SEZ6L2: variants seen among roughly 807,000 people sequenced by gnomAD.
The protein encoded by SEZ6L2 is seizure 6-like protein 2.
SEZ6L2 carries 44 observed loss-of-function variants against 97.0 expected under a neutral mutation model. That is an observed-to-expected ratio of 0.45 (90% CI 0.36 to 0.58). The LOEUF (loss-of-function observed/expected upper bound fraction) is 0.58, where lower values mean the gene tolerates loss of function less well. Among genes scored for constraint, SEZ6L2 ranks in the 20% least tolerant of loss-of-function variants. The pLI, the probability that SEZ6L2 is intolerant of heterozygous loss-of-function variation, is 0.00. For synonymous variants in SEZ6L2, 543 were observed against 546.1 expected, an observed-to-expected ratio of 0.99 and a Z score of 0.08; for missense variants, 1,086 against 1,233.3, an observed-to-expected ratio of 0.88 and a Z score of 1.79.
rs189170131 is a variant in SEZ6L2 at position 29,878,730 on chromosome 16, G to A, written c.1574-305C>T. The stretch of plus-strand genomic sequence containing the variant: ...CTCCCGAGTAGCTGGGACTACAGGC[G>A]CCGCCACCACACCCTATTTTTTTTT... On this transcript the variant is annotated intron_variant, in intron 9 of 17. Coordinates refer to ENST00000617533, the MANE Select transcript of SEZ6L2 (RefSeq NM_001243332.2). 9.6e-3 allele frequency among the ~76,000 whole-genome samples: 1,383 copies of A among 143,602 alleles called. 23 individuals carry two copies. Among genetic ancestry groups the A allele is most frequent in the African/African-American group, 0.034 (1,321 of 38,810 alleles). The allele number at this position is 143,602 out of a possible 152,430, so 94.2% of individuals were successfully genotyped here. A position where few individuals can be genotyped will look rare whatever the true frequency, so the allele number is the denominator to read the frequency against.
At chr16:29,886,272 G>A (rs973397739) in intron 7 of SEZ6L2, among the ~76,000 whole-genome samples, 1 of 152,198 alleles carries the variant, frequency 6.6e-6, no homozygotes, top group East Asian at 1.9e-4. Context: ...AGGAGGCTGA[G>A]GCAGGAGAAT....
rs1393653661 is a variant in SEZ6L2, at chr16:29,874,568, T to G, written c.2105-839A>C. 7.0e-3 allele frequency among the ~76,000 whole-genome samples: 723 copies of G among 103,052 alleles called. 46 individuals carry two copies. The highest frequency in any genetic ancestry group is 0.027 in the African/African-American group (698 of 25,552). 67.6% of individuals were successfully genotyped at this position (103,052 alleles called of 152,430 possible). On this transcript the variant is annotated intron_variant, in intron 12 of 17. Coordinates refer to ENST00000617533, the MANE Select transcript of SEZ6L2 (RefSeq NM_001243332.2). ...TGTGCTTGTTTTTTTTTTTTTTTTT[T>G]TTTTTTTTTTTTTTTTTTTTGAGAT...
intron 3 of SEZ6L2, 117 bp downstream of exon 3, chr16:29,896,705 T>C (rs950068182): frequency 1.2e-5 from 10 of 801,014 alleles, no homozygotes; most frequent in Non-Finnish European, 2.0e-5. Flanking sequence ...TTTGTTATTA[T>C]TATTCTCCCA....
In SEZ6L2 at chr16:29,876,484, G is replaced by T. The variant is rs1235790037; in HGVS notation, c.2104+272C>A. On this transcript the variant is annotated intron_variant, in intron 12 of 17. Transcript: ENST00000617533. This position sits in a 1 kb window ranked among gnomAD's most constrained non-coding sequence, Gnocchi z 6.5. ...AGGAGGGGACGGGGCGGGGCCGTGAGACGAGGAAACAGGGACCGAGCCCAG... is the reference window on the plus strand; with the variant it reads ...AGGAGGGGACGGGGCGGGGCCGTGATACGAGGAAACAGGGACCGAGCCCAG... 6.6e-6 allele frequency among the ~76,000 whole-genome samples: 1 copy of T among 151,128 alleles called. No individual in the cohort carries two copies. Among genetic ancestry groups the T allele is most frequent in the Admixed American group, 6.6e-5 (1 of 15,182 alleles).
At position 29,897,994 on chromosome 16, in the gene SEZ6L2, G is replaced by A. The variant is rs764362623; in HGVS notation, c.80-10C>T. ...TCCTTCAGGGGCAGACCTAGGAGGT[G>A]AAGTTGTGTGAGCTTCTCCACTTCC... On this transcript the variant is annotated splice_polypyrimidine_tract_variant and intron_variant, in intron 1 of 17. Coordinates refer to ENST00000617533, the MANE Select transcript of SEZ6L2 (RefSeq NM_001243332.2). The A allele has an allele frequency of 1.1e-5, 17 of 1,612,392 alleles. No individual in the cohort carries two copies. Among genetic ancestry groups the A allele is most frequent in the Admixed American group, 6.7e-5 (4 of 59,730 alleles).
chr16:29,883,779 A>C (rs2068075199), intron 8 of SEZ6L2, among the ~76,000 whole-genome samples: 1 of 152,066 alleles, frequency 6.6e-6, no homozygotes, highest in Admixed American at 6.6e-5. Context: ...AAAAAATGTA[A>C]AAATTACCCA....
rs1316913406 is a variant in SEZ6L2 at position 29,899,535 on chromosome 16, G to A, written c.-516C>T. 1.9e-5 allele frequency: 3 copies of A among 161,044 alleles called. No homozygotes were observed. The highest frequency in any genetic ancestry group is 4.0e-5 in the Non-Finnish European group (3 of 74,260). The allele number at this position is 161,044 out of a possible 1,614,324, so 10.0% of individuals were successfully genotyped here. A position where few individuals can be genotyped will look rare whatever the true frequency, so the allele number is the denominator to read the frequency against. ...CCGAAGCTCGGGCACTGGAGCTGCG[G>A]GAGGGAGAAGCTGAGAAAGGTATCG... On this transcript the variant is annotated 5_prime_UTR_variant, in exon 1 of 18. Transcript: ENST00000617533.
In SEZ6L2 at chr16:29,890,743, CTTTTTTTT is replaced by C. The variant is rs71143763; in HGVS notation, c.854-2026_854-2019del. On this transcript the variant is annotated intron_variant, in intron 5 of 17. Transcript: ENST00000617533. ...ATTTTGTCATCACATTAACCATTGT[CTTTTTTTT>C]TTTTTTTTTTTTTTTTTGAGAGGGT... Among the ~76,000 whole-genome samples, 9 of 74,388 alleles carry C rather than the reference CTTTTTTTT, an allele frequency of 1.2e-4. 1 individual carries two copies. The East Asian group carries it at 2.8e-3, about 23-fold the overall frequency. 48.8% of individuals were successfully genotyped at this position (74,388 alleles called of 152,430 possible).
chr16:29,877,461 A>G lies in SEZ6L2; in HGVS notation c.1719T>C (p.Asn573=). Residue 573 remains asparagine, a synonymous_variant, in exon 11 of 18, where the codon AAT becomes AAC. Transcript: ENST00000617533. The stretch of plus-strand genomic sequence containing the variant: ...GCGTCAGCATGTCCCCTTCCCGCAC[A>G]TTCAATCTGCAGGGGGTGAGACCAG... ...KRILLQVEIL[N]VREGDMLTLF... 2 of 1,593,098 alleles carry G rather than the reference A, an allele frequency of 1.3e-6. No individual in the cohort carries two copies. Among genetic ancestry groups the G allele is most frequent in the African/African-American group, 1.3e-5 (1 of 74,608 alleles).
At position 29,872,276 on chromosome 16, in the gene SEZ6L2, C is replaced by T; in HGVS notation, c.2653G>A (p.Gly885Arg). 1 of 1,611,130 alleles carries T rather than the reference C, an allele frequency of 6.2e-7. No individual in the cohort carries two copies. Residue 885 changes from glycine (G) to arginine (R), a missense_variant, in exon 17 of 18, where the codon GGA becomes AGA. Gly to Arg is a moderately radical substitution (Grantham distance 125, BLOSUM62 -2). Coordinates refer to ENST00000617533, the MANE Select transcript of SEZ6L2 (RefSeq NM_001243332.2). ...GVYIYYTKLQ[G>R]KSLFGFSGSH... Reference sequence around the variant, plus strand: ...CCCGAGAAGCCGAAAAGGGACTTTCCCTGAAGCCTGGGAAAGGGAGAGGAC... The same window carrying T: ...CCCGAGAAGCCGAAAAGGGACTTTCTCTGAAGCCTGGGAAAGGGAGAGGAC...
At position 29,876,706 on chromosome 16, in the gene SEZ6L2, G is replaced by T. The variant is rs1172215031; in HGVS notation, c.2104+50C>A. The T allele has an allele frequency of 6.1e-6, 9 of 1,469,998 alleles. No individual in the cohort carries two copies. The East Asian group carries it at 7.5e-5, about 12-fold the overall frequency. 91.1% of individuals were successfully genotyped at this position (1,469,998 alleles called of 1,614,324 possible). A position where few individuals can be genotyped will look rare whatever the true frequency, so the allele number is the denominator to read the frequency against. On this transcript the variant is annotated intron_variant, in intron 12 of 17. Coordinates refer to ENST00000617533, the MANE Select transcript of SEZ6L2 (RefSeq NM_001243332.2). This position sits in a 1 kb window ranked among gnomAD's most constrained non-coding sequence, Gnocchi z 6.5. Reference sequence around the variant, plus strand: ...CGGGACAGGACAGGCCGACGACGGGGCCCACAGGGAAGGGGCGGGGCCGAG... The same window carrying T: ...CGGGACAGGACAGGCCGACGACGGGTCCCACAGGGAAGGGGCGGGGCCGAG...
chr16:29,888,776 C>G, intron 5 of SEZ6L2, 51 bp from the exon 6 acceptor site: 2 of 1,508,310 alleles, frequency 1.3e-6, no homozygotes, highest in African/African-American at 1.4e-5. Context: ...ATGCCACCCT[C>G]TCATACTGAT....
In SEZ6L2 at chr16:29,873,428, T is replaced by C; in HGVS notation, c.2300A>G (p.Lys767Arg). The change falls in exon 14 of 18, where the codon AAG (lysine) becomes AGG (arginine). Residue 767 changes from lysine (K) to arginine (R), a missense_variant. Lys to Arg is a conservative substitution (Grantham distance 26, BLOSUM62 2). This residue lies in a region of SEZ6L2 where 310 missense variants were observed against 438.6 expected (regional missense o/e 0.71). Transcript: ENST00000617533. This position sits in a 1 kb window ranked among gnomAD's most constrained non-coding sequence, Gnocchi z 4.3. ...WSDRVPKCAL[K>R]YEPCLNPGVP... The stretch of plus-strand genomic sequence containing the variant: ...CCCCGGGTTCAGGCACGGCTCGTAC[T>C]TCACTGCGGGGAGCATGCCAGTCAC... 1 of 1,614,214 alleles carries C rather than the reference T, an allele frequency of 6.2e-7. No individual in the cohort carries two copies. Among genetic ancestry groups the C allele is most frequent in the Non-Finnish European group, 8.5e-7 (1 of 1,180,042 alleles).
Position 29,879,866 on chromosome 16 carries a change from T to C in SEZ6L2, c.1571A>G (p.Lys524Arg), listed in dbSNP as rs773039349. 6.3e-7 allele frequency: 1 copy of C among 1,595,070 alleles called. No individual in the cohort carries two copies. The highest frequency in any genetic ancestry group is 8.6e-7 in the Non-Finnish European group (1 of 1,167,242). ...PHWNDTEPAC[K>R]AMCGGELSEP... is the part of the protein sequence containing the mutation. ...TGCCTGCGACAAGGAAGGCTCACCT[T>C]TGCAGGCCGGCTCTGTGTCGTTCCA... Residue 524 changes from lysine to arginine, a missense_variant and splice_region_variant, in exon 9 of 18, where the codon AAA (lysine) becomes AGA (arginine). This residue lies in a region of SEZ6L2 where 776 missense variants were observed against 794.7 expected (regional missense o/e 0.98). Coordinates refer to ENST00000617533, the MANE Select transcript of SEZ6L2 (RefSeq NM_001243332.2).
chr16:29,898,120 G>T, intron 1 of SEZ6L2, 136 bp from the exon 2 acceptor site: 1 of 1,309,936 alleles, frequency 7.6e-7, no homozygotes, highest in Non-Finnish European at 1.0e-6. Context: ...GCTCGACTGA[G>T]GGCCAAGATC....
intron 8 of SEZ6L2, 136 bp downstream of exon 8, chr16:29,885,450 C>T: frequency 1.1e-6 from 1 of 909,590 alleles, no homozygotes; most frequent in Non-Finnish European, 1.7e-6. Flanking sequence ...AGTTTTGGGG[C>T]AGGGAAGCGA....
chr16:29,889,614 CTTTTTTTTTTTTTTTTTTT>C (rs869108927), intron 5 of SEZ6L2, among the ~76,000 whole-genome samples: 1 of 70,522 alleles, frequency 1.4e-5, no homozygotes, highest in Non-Finnish European at 3.0e-5. Flanking sequence ...CTTGAAACTT[CTTTTTTTTTTTTTTTTTTT>C]TTTTTTTTTT....
At position 29,895,244 on chromosome 16, in the gene SEZ6L2, C is replaced by T; in HGVS notation, c.853+15G>A. 2 of 1,612,028 alleles carry T rather than the reference C, an allele frequency of 1.2e-6. No individual in the cohort carries two copies. The highest frequency in any genetic ancestry group is 1.1e-5 in the South Asian group (1 of 91,010). ...ATGGCCCCTGCCCTTCCAGCAGCAC[C>T]CTCAAACTCCTCACCCTGATAGTGG... On this transcript the variant is annotated intron_variant, in intron 5 of 17. Transcript: ENST00000617533.
chr16:29,875,661 C>CTTTT (rs149293940), intron 12 of SEZ6L2, among the ~76,000 whole-genome samples: 2,218 of 112,650 alleles, frequency 0.02, 221 homozygotes, highest in African/African-American at 0.079. Flanking sequence ...TTCTTTCTTT[C>CTTTT]TTTCTTTTTT....
Sources: gnomAD v4.1 joint callset for allele counts (sites outside exome capture counted in the v4.1 genomes callset) on GRCh38, gnomAD v4.1.1 for gene constraint, gnomAD v4.1.1 regional missense constraint, Gnocchi (gnomAD v3.1) non-coding constraint, MANE v1.5 for transcripts, NCBI Gene and HGNC (gene_info 2026-07-23, HGNC 2026-07-21) for gene names.